The following NFATC4 variants were observed in gnomAD, a reference collection of about 807,000 sequenced individuals.
NFATC4 encodes the protein nuclear factor of activated T cells 4.
Under a neutral mutation model 73.4 loss-of-function variants are expected in NFATC4, and 25 were observed. That is an observed-to-expected ratio of 0.34 (90% CI 0.25 to 0.48). NFATC4 has a LOEUF of 0.48. NFATC4 is among the 20% of genes least tolerant of loss of function. The pLI is 0.99. For synonymous variants in NFATC4, 523 were observed against 510.3 expected, an observed-to-expected ratio of 1.02 and a Z score of -0.34; for missense variants, 1,130 against 1,203.7, an observed-to-expected ratio of 0.94 and a Z score of 0.91.
upstream of NFATC4, chr14:24,367,357 A>G (rs1400290932): frequency 6.5e-7 from 1 of 1,536,448 alleles, no homozygotes; most frequent in South Asian, 1.2e-5. Context: ...ATCGGGTCAG[A>G]GATTCATTCC....
In NFATC4 at chr14:24,370,102, G is replaced by A; in HGVS notation, c.704G>A (p.Gly235Asp). 1 of 1,604,372 alleles carries A rather than the reference G, an allele frequency of 6.2e-7. No individual in the cohort carries two copies. Among genetic ancestry groups the A allele is most frequent in the Non-Finnish European group, 8.5e-7 (1 of 1,179,692 alleles). The change falls in exon 2 of 10, where the codon GGT (glycine) becomes GAT (aspartate). Residue 235 changes from glycine (G) to aspartate (D), a missense_variant. By Grantham distance (94) the Gly-to-Asp change is moderately conservative. Around this residue, in one of 3 missense-constraint regions of NFATC4, gnomAD observed 585 missense variants for 574.3 expected, o/e 1.02. Transcript: ENST00000250373. ...WTPEDPWSLY[G>D]PSPGGRGPED... ...CCCGAAGATCCCTGGAGCCTGTATG[G>A]TCCAAGCCCCGGAGGCCGAGGGCCA... is the stretch of plus-strand genomic sequence containing the variant.
chr14:24,377,691 G>C lies in NFATC4; in HGVS notation c.2695G>C (p.Glu899Gln), dbSNP rs896403458. 8.7e-6 allele frequency: 14 copies of C among 1,614,072 alleles called. No homozygotes were observed. Among genetic ancestry groups the C allele is most frequent in the Non-Finnish European group, 1.2e-5 (14 of 1,180,036 alleles). Residue 899 changes from glutamate (E) to glutamine (Q), a missense_variant, in exon 10 of 10, where the codon GAG becomes CAG. Glu to Gln is a conservative substitution (Grantham distance 29, BLOSUM62 2). This residue lies in a region of NFATC4 where 390 missense variants were observed against 408.1 expected (regional missense o/e 0.96). Transcript: ENST00000250373. This position sits in a 1 kb window ranked among gnomAD's most constrained non-coding sequence, Gnocchi z 4.2. The part of the protein sequence containing the change: ...LSGFPAPPGE[E>Q]PPA ...TGGCTTCCCTGCACCTCCTGGAGAA[G>C]AGCCTCCTGCCTGAACCACGTGAAC...
In NFATC4 at chr14:24,377,947, G is replaced by A. The variant is rs1315424711; in HGVS notation, c.*242G>A. On this transcript the variant is annotated 3_prime_UTR_variant, in exon 10 of 10. Transcript: ENST00000250373. The surrounding 1 kb of genome is among the most constrained non-coding windows in gnomAD (Gnocchi z 4.2). Reference sequence around the variant, plus strand: ...GAGGAGGGAGGAGGGTGAAGACTGAGGCTAGGTGCCAGAATGGACTGGAGT... The same window carrying A: ...GAGGAGGGAGGAGGGTGAAGACTGAAGCTAGGTGCCAGAATGGACTGGAGT... 6.6e-6 allele frequency: 5 copies of A among 762,050 alleles called. No individual in the cohort carries two copies. Among genetic ancestry groups the A allele is most frequent in the Non-Finnish European group, 1.0e-5 (5 of 489,116 alleles). 47.2% of individuals were successfully genotyped at this position (762,050 alleles called of 1,614,324 possible). A position where few individuals can be genotyped will look rare whatever the true frequency, so the allele number is the denominator to read the frequency against.
chr14:24,376,679 T>G lies in NFATC4; in HGVS notation c.2442T>G (p.Pro814=). Residue 814 remains proline (P), a synonymous_variant, in exon 9 of 10, where the codon CCT becomes CCG. Transcript: ENST00000250373. The surrounding 1 kb of genome is among the most constrained non-coding windows in gnomAD (Gnocchi z 5.0). ...PFSPPAPFRP[P]PLPASPPLEG... ...CTCCGCCAGCCCCCTTTCGGCCGCC[T>G]CCTCTTCCTGCATCCCCACCGCTTG... The G allele has an allele frequency of 1.9e-6, 3 of 1,613,576 alleles. No individual in the cohort carries two copies. Among genetic ancestry groups the G allele is most frequent in the Non-Finnish European group, 2.5e-6 (3 of 1,179,862 alleles).
rs1337868635 is a variant in NFATC4, at chr14:24,368,452, G to T, written c.100+12G>T. The T allele has an allele frequency of 5.3e-6, 7 of 1,309,932 alleles. No individual in the cohort carries two copies. The African/African-American group carries it at 1.1e-4, about 20-fold the overall frequency. 81.1% of individuals were successfully genotyped at this position (1,309,932 alleles called of 1,614,324 possible). A position where few individuals can be genotyped will look rare whatever the true frequency, so the allele number is the denominator to read the frequency against. The stretch of plus-strand genomic sequence containing the variant: ...GGGATTGGGGGAAGGTTAGTGCTGG[G>T]CTGGGAAGGGGTCTTGGGGTCAGTG... On this transcript the variant is annotated intron_variant, in intron 1 of 9. Transcript: ENST00000250373.
intron 6 of NFATC4, 99 bp from the exon 7 acceptor site, chr14:24,375,561 A>G: frequency 7.7e-7 from 1 of 1,291,120 alleles, no homozygotes; most frequent in South Asian, 1.3e-5. Flanking sequence ...GGCCTTCTGA[A>G]TTTGGCCTTG....
At position 24,378,461 on chromosome 14, in the gene NFATC4, T is replaced by C. The variant is rs1391382617; in HGVS notation, c.*756T>C. On this transcript the variant is annotated 3_prime_UTR_variant, in exon 10 of 10. Coordinates refer to ENST00000250373, the MANE Select transcript of NFATC4 (RefSeq NM_004554.5). ...TAAAGTTCAGAGAGGGAAAGGGGCT[T>C]GCCTGAGGTCACGTAGATAATCAGC... The C allele has an allele frequency of 5.9e-5, 9 of 152,676 alleles. No homozygotes were observed. The allele number at this position is 152,676 out of a possible 1,614,324, so 9.5% of individuals were successfully genotyped here. A position where few individuals can be genotyped will look rare whatever the true frequency, so the allele number is the denominator to read the frequency against.
At chr14:24,369,009 T>C (rs10151147) in intron 1 of NFATC4, 1,084,468 of 1,178,486 alleles carry the variant, frequency 0.92, 500,858 homozygotes, top group Non-Finnish European at 0.94. Context: ...CCTCCGCCCC[T>C]AGATGGCGAG....
chr14:24,370,479 T>A lies in NFATC4; in HGVS notation c.1081T>A (p.Ser361Thr). The change falls in exon 2 of 10, where the codon TCT becomes ACT. Residue 361 changes from serine (S) to threonine (T), a missense_variant. Coordinates refer to ENST00000250373, the MANE Select transcript of NFATC4 (RefSeq NM_004554.5). Reference protein sequence around the residue: ...NGKLPLGAEESVAPPGGSRKE... With the variant: ...NGKLPLGAEETVAPPGGSRKE... ...GAAGCTGCCCTTGGGAGCAGAGGAG[T>A]CTGTGGCTCCTCCAGGAGGTTCCCG... The A allele has an allele frequency of 1.2e-6, 2 of 1,613,588 alleles. No individual in the cohort carries two copies. Among genetic ancestry groups the A allele is most frequent in the Non-Finnish European group, 1.7e-6 (2 of 1,179,852 alleles).
chr14:24,369,083 C>A, intron 1 of NFATC4: 1 of 1,413,598 alleles, frequency 7.1e-7, no homozygotes, highest in East Asian at 2.6e-5. Context: ...CCTCTGGCCA[C>A]GGTTGCGATG....
Position 24,370,611 on chromosome 14 carries a change from G to C in NFATC4, c.1196+17G>C, listed in dbSNP as rs28365131. On this transcript the variant is annotated intron_variant, in intron 2 of 9. Transcript: ENST00000250373. The stretch of plus-strand genomic sequence containing the variant: ...TATCTTCAGGTGAGGGTTGCGCCTG[G>C]CACTACCGCTCTCTCTAGCCATTCC... The C allele has an allele frequency of 7.6e-4, 1,217 of 1,593,514 alleles. 3 individuals are homozygous for C. The highest frequency in any genetic ancestry group is 1.0e-3 in the Non-Finnish European group (1,175 of 1,165,450).
rs1400367150 is a variant in NFATC4 at position 24,376,382 on chromosome 14, C to T, written c.2145C>T (p.Phe715=). ...CCCCCTTTGGCACTGACATGGACTTCTCACCACCCAGGCCCCCCTACCCCT... is the reference window on the plus strand; with the variant it reads ...CCCCCTTTGGCACTGACATGGACTTTTCACCACCCAGGCCCCCCTACCCCT... The part of the protein sequence containing the change: ...SATPFGTDMD[F]SPPRPPYPSY... Residue 715 remains phenylalanine, a synonymous_variant, in exon 9 of 10, where the codon TTC becomes TTT. Coordinates refer to ENST00000250373, the MANE Select transcript of NFATC4 (RefSeq NM_004554.5). This position sits in a 1 kb window ranked among gnomAD's most constrained non-coding sequence, Gnocchi z 5.0. The T allele has an allele frequency of 1.2e-6, 2 of 1,613,070 alleles. No individual in the cohort carries two copies. The highest frequency in any genetic ancestry group is 1.7e-6 in the Non-Finnish European group (2 of 1,179,428).
chr14:24,372,878 G>T, intron 3 of NFATC4: 1 of 600,670 alleles, frequency 1.7e-6, no homozygotes, highest in Non-Finnish European at 2.9e-6. Context: ...GAGGGTTTAG[G>T]CTGAGGACAA....
intron 1 of NFATC4, chr14:24,369,095 C>T (rs1171162820): frequency 4.9e-6 from 7 of 1,421,500 alleles, no homozygotes; most frequent in African/African-American, 1.4e-5. Context: ...GTTGCGATGG[C>T]AACTGGGGCT....
rs771994022 is a variant in NFATC4, at chr14:24,373,975, C to G, written c.1732+108C>G. 48 of 1,463,238 alleles carry G rather than the reference C, an allele frequency of 3.3e-5. No homozygotes were observed. Among genetic ancestry groups the G allele is most frequent in the Non-Finnish European group, 1.1e-5 (12 of 1,064,666 alleles). 90.6% of individuals were successfully genotyped at this position (1,463,238 alleles called of 1,614,324 possible). On this transcript the variant is annotated intron_variant, in intron 5 of 9. Coordinates refer to ENST00000250373, the MANE Select transcript of NFATC4 (RefSeq NM_004554.5). This position sits in a 1 kb window ranked among gnomAD's most constrained non-coding sequence, Gnocchi z 4.7. ...TGCAGCGTCCTGTGCCCTGTCTGTC[C>G]TGGGTAGCTCTATAGAGGACTCAGC...
At chr14:24,371,491 T>TG (rs1379916679) in intron 2 of NFATC4, among the ~76,000 whole-genome samples, 3 of 152,136 alleles carry the variant, frequency 2.0e-5, no homozygotes, top group African/African-American at 7.2e-5. Context: ...GGCAATTACT[T>TG]GGGGGGCAAT....
At position 24,376,490 on chromosome 14, in the gene NFATC4, G is replaced by A. The variant is rs1437745737; in HGVS notation, c.2253G>A (p.Gln751=). The change falls in exon 9 of 10, where the codon CAG becomes CAA. Residue 751 remains glutamine, a synonymous_variant. Transcript: ENST00000250373. The surrounding 1 kb of genome is among the most constrained non-coding windows in gnomAD (Gnocchi z 5.0). ...FGYGMPPLYP[Q]TGPPPSYRPG... is the part of the protein sequence containing the mutation. ...ATGGCATGCCCCCTCTGTACCCCCA[G>A]ACGGGGCCCCCACCATCCTACAGAC... 2.5e-6 allele frequency: 4 copies of A among 1,613,552 alleles called. No individual in the cohort carries two copies. In the African/African-American group the frequency reaches 5.3e-5, roughly 22 times the overall value.
Position 24,369,479 on chromosome 14 carries a change from TC to T in NFATC4, c.101-18del. The T allele has an allele frequency of 6.2e-7, 1 of 1,612,782 alleles. No individual in the cohort carries two copies. Among genetic ancestry groups the T allele is most frequent in the African/African-American group, 1.3e-5 (1 of 75,022 alleles). On this transcript the variant is annotated intron_variant, in intron 1 of 9. Coordinates refer to ENST00000250373, the MANE Select transcript of NFATC4 (RefSeq NM_004554.5). Reference sequence around the variant, plus strand: ...TCTCTCTTTCCCCCTCTCCCTCTGCTCCTCTTCCCATTTTGACAGAACTGGA... The same window carrying T: ...TCTCTCTTTCCCCCTCTCCCTCTGCTCTCTTCCCATTTTGACAGAACTGGA...
At position 24,379,062 on chromosome 14, in the gene NFATC4, C is replaced by T. The variant is rs2042703615; in HGVS notation, c.*1357C>T. 1 of 152,238 alleles carries T rather than the reference C, an allele frequency of 6.6e-6. No homozygotes were observed. The highest frequency in any genetic ancestry group is 1.9e-4 in the East Asian group (1 of 5,206). The allele number at this position is 152,238 out of a possible 1,614,324, so 9.4% of individuals were successfully genotyped here. On this transcript the variant is annotated 3_prime_UTR_variant, in exon 10 of 10. Coordinates refer to ENST00000250373, the MANE Select transcript of NFATC4 (RefSeq NM_004554.5). ...TGCCTCACCTTCAGGCTTGTGGGGC[C>T]TCTCTATGCCCAATGAGTCCAGGCA...
Sources: gnomAD v4.1 joint callset for allele counts (sites outside exome capture counted in the v4.1 genomes callset) on GRCh38, gnomAD v4.1.1 for gene constraint, gnomAD v4.1.1 regional missense constraint, Gnocchi (gnomAD v3.1) non-coding constraint, MANE v1.5 for transcripts, NCBI Gene and HGNC (gene_info 2026-07-23, HGNC 2026-07-21) for gene names.